NKAIN3: variants seen among roughly 807,000 people sequenced by gnomAD.
NKAIN3 encodes the protein sodium/potassium-transporting ATPase subunit beta-1-interacting protein 3.
NKAIN3 carries 25 observed loss-of-function variants against 30.2 expected under a neutral mutation model. That is an observed-to-expected ratio of 0.83 (90% CI 0.60 to 1.16). The LOEUF is 1.16. Among genes scored for constraint, NKAIN3 ranks in the 50% most tolerant of loss-of-function variants. The pLI is 0.00. For missense variants in NKAIN3, 225 were observed against 254.1 expected (o/e 0.89, Z 0.78); for synonymous variants, 91 against 89.6 (o/e 1.02, Z -0.09).
At chr8:62,790,503 G>A (rs192623101) in intron 4 of NKAIN3, among the ~76,000 whole-genome samples, 1 of 151,946 alleles carries the variant, frequency 6.6e-6, no homozygotes. Context: ...TGCTGTCTTG[G>A]TGTGATGCTG....
At chr8:62,588,797 G>A (rs747080144) in intron 2 of NKAIN3, among the ~76,000 whole-genome samples, 8 of 151,680 alleles carry the variant, frequency 5.3e-5, no homozygotes, top group Non-Finnish European at 1.0e-4. Context: ...AAAATAAAAC[G>A]AATAGGCAAA....
rs1236255348 is a variant in NKAIN3 at position 62,967,841 on chromosome 8, A to G, written c.*2434A>G. On this transcript the variant is annotated 3_prime_UTR_variant, in exon 7 of 7. Transcript: ENST00000623646. Reference sequence around the variant, plus strand: ...TTAACATTTCACAAAATAGAACCATACTAAATTTTGTTTCTATTTTATCTT... The same window carrying G: ...TTAACATTTCACAAAATAGAACCATGCTAAATTTTGTTTCTATTTTATCTT... Among the ~76,000 whole-genome samples, 1 of 152,210 alleles carries G rather than the reference A, an allele frequency of 6.6e-6. No homozygotes were observed. Among genetic ancestry groups the G allele is most frequent in the African/African-American group, 2.4e-5 (1 of 41,454 alleles).
intron 4 of NKAIN3, among the ~76,000 whole-genome samples, chr8:62,885,019 T>C (rs966559931): frequency 2.6e-5 from 4 of 152,146 alleles, no homozygotes; most frequent in African/African-American, 9.6e-5. Context: ...TCTTTTCTTC[T>C]ACTTACTTTG....
intron 1 of NKAIN3, among the ~76,000 whole-genome samples, chr8:62,566,331 T>C (rs1043489136): frequency 6.6e-6 from 1 of 152,152 alleles, no homozygotes; most frequent in Non-Finnish European, 1.5e-5. Context: ...TATTTTATTA[T>C]AATTATTTGC....
At chr8:62,933,764 G>T (rs1054934539) in intron 5 of NKAIN3, among the ~76,000 whole-genome samples, 2 of 152,172 alleles carry the variant, frequency 1.3e-5, no homozygotes, top group Admixed American at 1.3e-4. Flanking sequence ...ATGTTGAATA[G>T]CTCCAAAAAT....
At chr8:62,280,347 C>T (rs759794964) in intron 1 of NKAIN3, among the ~76,000 whole-genome samples, 4 of 152,082 alleles carry the variant, frequency 2.6e-5, no homozygotes, top group Non-Finnish European at 5.9e-5. Context: ...TCCTCTTTTC[C>T]TAATTGCATA....
At chr8:62,269,490 G>A (rs1368316484) in intron 1 of NKAIN3, among the ~76,000 whole-genome samples, 2 of 151,990 alleles carry the variant, frequency 1.3e-5, no homozygotes, top group Non-Finnish European at 2.9e-5. Context: ...GCTGAGCTAG[G>A]TATACAATCC....
chr8:62,823,430 C>A (rs1174722452), intron 4 of NKAIN3, among the ~76,000 whole-genome samples: 1 of 152,076 alleles, frequency 6.6e-6, no homozygotes, highest in East Asian at 1.9e-4. Flanking sequence ...GAAAATCTCA[C>A]AGGATATAGT....
chr8:62,806,427 G>A (rs1563571343), intron 4 of NKAIN3, among the ~76,000 whole-genome samples: 1 of 152,070 alleles, frequency 6.6e-6, no homozygotes, highest in Non-Finnish European at 1.5e-5. Flanking sequence ...ATCATAGACT[G>A]GATTAAGAAA....
At chr8:62,675,618 CTGGGAA>C (rs570081687) in intron 3 of NKAIN3, among the ~76,000 whole-genome samples, 11 of 152,128 alleles carry the variant, frequency 7.2e-5, no homozygotes, top group Non-Finnish European at 1.3e-4. Flanking sequence ...CCAGTGTGGG[CTGGGAA>C]GGAAGAACAC....
At chr8:62,870,961 A>G (rs1563604689) in intron 4 of NKAIN3, among the ~76,000 whole-genome samples, 1 of 152,010 alleles carries the variant, frequency 6.6e-6, no homozygotes, top group African/African-American at 2.4e-5. Flanking sequence ...CACAACAAAG[A>G]TCATACTGGG....
At chr8:62,882,280 A>T (rs28782921) in intron 4 of NKAIN3, among the ~76,000 whole-genome samples, 46,249 of 151,980 alleles carry the variant, frequency 0.3, 7,750 homozygotes, top group East Asian at 0.64. Context: ...ATTTCTTTCA[A>T]GGAACATGTT....
intron 1 of NKAIN3, among the ~76,000 whole-genome samples, chr8:62,355,627 C>T (rs752209869): frequency 1.3e-5 from 2 of 152,160 alleles, no homozygotes; most frequent in African/African-American, 4.8e-5. Flanking sequence ...CTGTGGCTTA[C>T]TTACAACACT....
chr8:62,295,662 A>G (rs1247831783), intron 1 of NKAIN3, among the ~76,000 whole-genome samples: 2 of 152,204 alleles, frequency 1.3e-5, no homozygotes, highest in African/African-American at 4.8e-5. Context: ...CACTTTATCT[A>G]ACAAAAAGAG....
intron 1 of NKAIN3, among the ~76,000 whole-genome samples, chr8:62,527,350 G>T (rs1808335952): frequency 6.6e-6 from 1 of 152,160 alleles, no homozygotes; most frequent in South Asian, 2.1e-4. Flanking sequence ...GACTCCAGAG[G>T]CTACCAGATA....
intron 1 of NKAIN3, among the ~76,000 whole-genome samples, chr8:62,392,997 G>A (rs1160270356): frequency 2.0e-5 from 3 of 152,026 alleles, no homozygotes; most frequent in Non-Finnish European, 4.4e-5. Flanking sequence ...TTAAGTGAAA[G>A]GTTAAGAAAG....
intron 1 of NKAIN3, among the ~76,000 whole-genome samples, chr8:62,280,090 G>T (rs188433279): frequency 6.6e-6 from 1 of 152,042 alleles, no homozygotes; most frequent in African/African-American, 2.4e-5. Flanking sequence ...GGTCCTTCAC[G>T]TCCCTTGTAG....
intron 4 of NKAIN3, among the ~76,000 whole-genome samples, chr8:62,761,048 T>C (rs911278479): frequency 3.3e-5 from 5 of 152,186 alleles, no homozygotes; most frequent in Non-Finnish European, 5.9e-5. Flanking sequence ...TTTCTCCTAG[T>C]AGGTTTGTCC....
At chr8:62,438,166 T>A in intron 1 of NKAIN3, among the ~76,000 whole-genome samples, 1 of 152,230 alleles carries the variant, frequency 6.6e-6, no homozygotes, top group East Asian at 1.9e-4. Flanking sequence ...TCTGGGCTGC[T>A]TTGCTATCCC....
Sources: gnomAD v4.1 joint callset for allele counts (sites outside exome capture counted in the v4.1 genomes callset) on GRCh38, gnomAD v4.1.1 for gene constraint, MANE v1.5 for transcripts, NCBI Gene and HGNC (gene_info 2026-07-23, HGNC 2026-07-21) for gene names.